VPS13A: variants seen among roughly 807,000 people sequenced by gnomAD.
VPS13A encodes the protein vacuolar protein sorting 13 homolog A, also known as intermembrane lipid transfer protein VPS13A.
A neutral mutation model predicts 390.9 loss-of-function variants in VPS13A; 264 were observed. That is an observed-to-expected ratio of 0.68 (90% confidence interval 0.61 to 0.75). VPS13A has a LOEUF of 0.75. Ranked by LOEUF, VPS13A falls within the 30% of genes least tolerant of loss-of-function variation. VPS13A has a pLI of 0.00. For synonymous variants in VPS13A, 1,231 were observed against 1,227.1 expected, an observed-to-expected ratio of 1.00 and a Z score of -0.07; for missense variants, 3,409 against 3,733.9, an observed-to-expected ratio of 0.91 and a Z score of 2.27.
chr9:77,401,852 A>T (rs1458536853), intron 68 of VPS13A, among the ~76,000 whole-genome samples: 1 of 152,190 alleles, frequency 6.6e-6, no homozygotes, highest in East Asian at 1.9e-4. Context: ...AAACCTTCAC[A>T]TACCTTTTAT....
In VPS13A at chr9:77,283,352, C is replaced by A; in HGVS notation, c.3119-3C>A. The A allele has an allele frequency of 6.5e-7, 1 of 1,536,960 alleles. No homozygotes were observed. The highest frequency in any genetic ancestry group is 8.9e-7 in the Non-Finnish European group (1 of 1,117,504). On this transcript the variant is annotated splice_region_variant and splice_polypyrimidine_tract_variant and intron_variant, in intron 29 of 71. Transcript: ENST00000360280. ...GTTTTATAATATGAATTTTTTTTTG[C>A]AGCTTTAAAACTATCCACAAATGAA...
intron 50 of VPS13A, 97 bp from the exon 51 acceptor site, chr9:77,344,056 T>G (rs1830994624): frequency 1.7e-6 from 2 of 1,189,596 alleles, no homozygotes; most frequent in South Asian, 2.9e-5. Context: ...CAGGTTTTTT[T>G]ATAGTTTAAG....
rs747191580 is a variant in VPS13A at position 77,205,444 on chromosome 9, T to C, written c.283+36T>C. ...TTTAAAAAAATTATAATTTAAGTTA[T>C]TCTTTTTTATGGATGGAAAAATATT... is the stretch of plus-strand genomic sequence containing the variant. On this transcript the variant is annotated intron_variant, in intron 4 of 71. Coordinates refer to ENST00000360280, the MANE Select transcript of VPS13A (RefSeq NM_033305.3). 9 of 1,012,690 alleles carry C rather than the reference T, an allele frequency of 8.9e-6. No homozygotes were observed. The South Asian group carries it at 1.0e-4, about 12-fold the overall frequency. 62.7% of individuals were successfully genotyped at this position (1,012,690 alleles called of 1,614,324 possible).
chr9:77,201,383 TTTAAAG>T lies in VPS13A; in HGVS notation c.172_177del (p.Lys58_Val59del). The stretch of plus-strand genomic sequence containing the variant: ...TCTGTAGAGTCAACTGGATGTACCA[TTTAAAG>T]TTAAAGTTGGTCACATAGGTAAGCC... On this transcript the variant is annotated inframe_deletion, in exon 3 of 72. Transcript: ENST00000360280. The T allele has an allele frequency of 6.2e-7, 1 of 1,610,186 alleles. No individual in the cohort carries two copies. Among genetic ancestry groups the T allele is most frequent in the South Asian group, 1.1e-5 (1 of 90,948 alleles).
intron 1 of VPS13A, among the ~76,000 whole-genome samples, chr9:77,192,169 GC>G (rs1205807392): frequency 1.3e-5 from 2 of 152,050 alleles, no homozygotes; most frequent in Non-Finnish European, 2.9e-5. Context: ...ACCCATGCCT[GC>G]CCTTTTTTGT....
intron 67 of VPS13A, among the ~76,000 whole-genome samples, chr9:77,371,921 G>T (rs1032818428): frequency 7.1e-6 from 1 of 140,744 alleles, no homozygotes; most frequent in African/African-American, 2.6e-5. Context: ...TTGTTCTTGC[G>T]ATAGTTTACT....
intron 21 of VPS13A, among the ~76,000 whole-genome samples, chr9:77,251,480 T>G (rs1825142608): frequency 6.6e-6 from 1 of 152,184 alleles, no homozygotes; most frequent in South Asian, 2.1e-4. Context: ...TATTGATATT[T>G]TGTTGCACAT....
rs1564686903 is a variant in VPS13A, at chr9:77,275,495, T to C, written c.2513-3T>C. ...GACTTAAATAATGTTCTGTGAAATG[T>C]AGATTCAGAGGAGGAATTTTTTGAT... is the stretch of plus-strand genomic sequence containing the variant. On this transcript the variant is annotated splice_region_variant and splice_polypyrimidine_tract_variant and intron_variant, in intron 24 of 71. Transcript: ENST00000360280. 1 of 1,613,212 alleles carries C rather than the reference T, an allele frequency of 6.2e-7. No individual in the cohort carries two copies. The highest frequency in any genetic ancestry group is 8.5e-7 in the Non-Finnish European group (1 of 1,179,320).
intron 24 of VPS13A, among the ~76,000 whole-genome samples, 180 bp from the exon 25 acceptor site, chr9:77,275,318 A>C (rs1418615286): frequency 1.3e-5 from 2 of 152,174 alleles, no homozygotes; most frequent in East Asian, 3.8e-4. Flanking sequence ...CTTTGTTTAA[A>C]ATGGACAATA....
rs564528554 is a variant in VPS13A, at chr9:77,207,764, T to C, written c.386-1659T>C. Among the ~76,000 whole-genome samples, 9 of 152,284 alleles carry C rather than the reference T, an allele frequency of 5.9e-5. No homozygotes were observed. In the South Asian group the frequency reaches 1.9e-3, roughly 32 times the overall value. ...TTATACAGATTTAAATCAGTTCTTGTGTTATCTTCCTCTCTCTCCACTGTG... is the reference window on the plus strand; with the variant it reads ...TTATACAGATTTAAATCAGTTCTTGCGTTATCTTCCTCTCTCTCCACTGTG... On this transcript the variant is annotated intron_variant, in intron 5 of 71. Coordinates refer to ENST00000360280, the MANE Select transcript of VPS13A (RefSeq NM_033305.3).
At chr9:77,284,077 G>A (rs1037639377) in intron 31 of VPS13A, among the ~76,000 whole-genome samples, 6 of 151,548 alleles carry the variant, frequency 4.0e-5, no homozygotes, top group South Asian at 2.1e-4. Context: ...ATTGTCATCA[G>A]CGATCACTAG....
At chr9:77,356,986 C>G in intron 55 of VPS13A, 119 bp downstream of exon 55, 2 of 1,104,758 alleles carry the variant, frequency 1.8e-6, no homozygotes, top group Non-Finnish European at 2.6e-6. Context: ...TCCTGTCATA[C>G]ATACCTTGTA....
intron 23 of VPS13A, among the ~76,000 whole-genome samples, chr9:77,267,629 C>A (rs1015247563): frequency 2.0e-5 from 3 of 152,196 alleles, no homozygotes; most frequent in Non-Finnish European, 1.5e-5. Context: ...GTCTCCCAGT[C>A]AGGAGGCATG....
chr9:77,316,151 T>C (rs1173158807), intron 38 of VPS13A, 23 bp from the exon 39 acceptor site: 1 of 1,400,946 alleles, frequency 7.1e-7, no homozygotes, highest in South Asian at 1.3e-5. Flanking sequence ...GCAAATATTT[T>C]AATCTATTTT....
Position 77,293,297 on chromosome 9 carries a change from C to A in VPS13A, c.3340-44C>A, listed in dbSNP as rs747829192. 3 of 1,514,206 alleles carry A rather than the reference C, an allele frequency of 2.0e-6. No individual in the cohort carries two copies. The South Asian group carries it at 3.4e-5, about 17-fold the overall frequency. The allele number at this position is 1,514,206 out of a possible 1,614,324, so 93.8% of individuals were successfully genotyped here. ...TTTTATTTTTGTACTGAAAATACATCATTTCAAAAATGGATTGTGATAATT... is the reference window on the plus strand; with the variant it reads ...TTTTATTTTTGTACTGAAAATACATAATTTCAAAAATGGATTGTGATAATT... On this transcript the variant is annotated intron_variant, in intron 31 of 71. Coordinates refer to ENST00000360280, the MANE Select transcript of VPS13A (RefSeq NM_033305.3).
intron 1 of VPS13A, among the ~76,000 whole-genome samples, chr9:77,188,323 C>T (rs988558467): frequency 6.6e-6 from 1 of 152,172 alleles, no homozygotes; most frequent in Non-Finnish European, 1.5e-5. Context: ...AATGGACTAA[C>T]ACAGTACTCA....
rs369818421 is a variant in VPS13A at position 77,293,467 on chromosome 9, A to G, written c.3466A>G (p.Ile1156Val). Reference sequence around the variant, plus strand: ...TCAGGTTAATTTAATAGTTGGTTGCATTGAAGTAGTTTTTGTCACGAAATT... The same window carrying G: ...TCAGGTTAATTTAATAGTTGGTTGCGTTGAAGTAGTTTTTGTCACGAAATT... ...DIQVNLIVGC[I>V]EVVFVTKFLY... The change falls in exon 32 of 72, where the codon ATT becomes GTT. Residue 1156 changes from isoleucine to valine, a missense_variant. By Grantham distance (29) the Ile-to-Val change is conservative. Around this residue, in one of 5 missense-constraint regions of VPS13A, gnomAD observed 2,717 missense variants for 2,917.4 expected, o/e 0.93. Coordinates refer to ENST00000360280, the MANE Select transcript of VPS13A (RefSeq NM_033305.3). The G allele has an allele frequency of 5.6e-5, 90 of 1,599,650 alleles. No homozygotes were observed. Among genetic ancestry groups the G allele is most frequent in the Non-Finnish European group, 7.3e-5 (86 of 1,173,608 alleles).
intron 1 of VPS13A, among the ~76,000 whole-genome samples, chr9:77,192,685 G>T (rs1048148698): frequency 6.6e-5 from 10 of 152,294 alleles, no homozygotes; most frequent in Admixed American, 5.2e-4. Context: ...CTTCTGGCTT[G>T]TAGGATTTCT....
chr9:77,313,605 CTT>C (rs1189175459), intron 35 of VPS13A, among the ~76,000 whole-genome samples: 5 of 152,090 alleles, frequency 3.3e-5, no homozygotes, highest in African/African-American at 9.7e-5. Flanking sequence ...AAAAATGTCT[CTT>C]GGTTTTAGTT....
Sources: gnomAD v4.1 joint callset for allele counts (sites outside exome capture counted in the v4.1 genomes callset) on GRCh38, gnomAD v4.1.1 for gene constraint, gnomAD v4.1.1 regional missense constraint, MANE v1.5 for transcripts, NCBI Gene and HGNC (gene_info 2026-07-23, HGNC 2026-07-21) for gene names.